Variants in ST6GAL1 observed in about 807,000 individuals in gnomAD.
ST6GAL1 encodes beta-galactoside alpha-2,6-sialyltransferase 1.
Under a neutral mutation model 38.0 loss-of-function variants are expected in ST6GAL1, and 20 were observed. The observed-to-expected ratio is 0.53, with a 90% confidence interval of 0.37 to 0.77. The LOEUF is 0.77. Ranked by LOEUF, ST6GAL1 falls within the 30% of genes least tolerant of loss-of-function variation. The probability of loss-of-function intolerance (pLI) is 0.00; values close to 1 mark genes in which losing one functional copy is unlikely to be tolerated. For missense variants in ST6GAL1, 432 were observed against 496.4 expected, an observed-to-expected ratio of 0.87 and a Z score of 1.23; for synonymous variants, 196 against 188.2, an observed-to-expected ratio of 1.04 and a Z score of -0.34.
At chr3:187,022,822 G>A (rs984326501) in intron 2 of ST6GAL1, among the ~76,000 whole-genome samples, 1 of 152,164 alleles carries the variant, frequency 6.6e-6, no homozygotes, top group African/African-American at 2.4e-5. Context: ...ACCAGAGTCA[G>A]GTTGGAGAGT....
At chr3:186,944,369 T>C (rs1373995241) in intron 1 of ST6GAL1, among the ~76,000 whole-genome samples, 1 of 152,168 alleles carries the variant, frequency 6.6e-6, no homozygotes, top group African/African-American at 2.4e-5. Flanking sequence ...GCATAACATA[T>C]GAGCAAAATT....
intron 2 of ST6GAL1, among the ~76,000 whole-genome samples, chr3:187,011,538 T>C (rs1716956829): frequency 6.6e-6 from 1 of 152,202 alleles, no homozygotes; most frequent in South Asian, 2.1e-4. Context: ...TAGCTTTTGT[T>C]GTCCTTGGGA....
At chr3:186,947,798 C>T (rs538712210) in intron 1 of ST6GAL1, among the ~76,000 whole-genome samples, 2 of 152,262 alleles carry the variant, frequency 1.3e-5, no homozygotes, top group East Asian at 3.9e-4. Flanking sequence ...AGATCATAGA[C>T]GTTAAGGATG....
rs769842676 is a variant in ST6GAL1 at position 187,043,019 on chromosome 3, A to G, written c.316A>G (p.Ile106Val). The G allele has an allele frequency of 6.2e-6, 10 of 1,614,180 alleles. No individual in the cohort carries two copies. Among genetic ancestry groups the G allele is most frequent in the Non-Finnish European group, 8.5e-6 (10 of 1,180,028 alleles). ...WNKDSSSKNL[I>V]PRLQKIWKNY... ...CAAGGACAGCTCTTCCAAAAACCTT[A>G]TCCCTAGGCTGCAAAAGATCTGGAA... Residue 106 changes from isoleucine to valine, a missense_variant, in exon 4 of 8, where the codon ATC becomes GTC. Physicochemically the swap from Ile to Val is conservative, Grantham distance 29 (BLOSUM62 3). Transcript: ENST00000169298.
At chr3:187,071,490 C>G (rs1344068700) in intron 5 of ST6GAL1, among the ~76,000 whole-genome samples, 1 of 151,660 alleles carries the variant, frequency 6.6e-6, no homozygotes, top group Non-Finnish European at 1.5e-5. Flanking sequence ...TGGCTCATGC[C>G]TGTAATCCCA....
At chr3:186,945,218 G>A (rs1714314125) in intron 1 of ST6GAL1, among the ~76,000 whole-genome samples, 1 of 151,974 alleles carries the variant, frequency 6.6e-6, no homozygotes, top group African/African-American at 2.4e-5. Flanking sequence ...TGATGTGGGA[G>A]GATCCCTTGC....
At chr3:187,009,514 C>A (rs1261269482) in intron 2 of ST6GAL1, among the ~76,000 whole-genome samples, 2 of 152,088 alleles carry the variant, frequency 1.3e-5, no homozygotes, top group Non-Finnish European at 2.9e-5. Context: ...TGCCTGTAGT[C>A]CTAGCTACTT....
intron 1 of ST6GAL1, among the ~76,000 whole-genome samples, chr3:186,947,644 A>G (rs1329676683): frequency 6.6e-6 from 1 of 152,208 alleles, no homozygotes; most frequent in East Asian, 1.9e-4. Context: ...GGTAAATATA[A>G]GAGCCTACAT....
chr3:187,067,645 GCTGTTTTTCCATT>G (rs1231889618), intron 5 of ST6GAL1, among the ~76,000 whole-genome samples: 9 of 152,024 alleles, frequency 5.9e-5, no homozygotes, highest in Non-Finnish European at 1.2e-4. Context: ...CAAGTGAATG[GCTGTTTTTCCATT>G]GGATACAGGA....
At chr3:187,047,890 A>G (rs1473035726) in intron 4 of ST6GAL1, among the ~76,000 whole-genome samples, 1 of 151,964 alleles carries the variant, frequency 6.6e-6, no homozygotes, top group Non-Finnish European at 1.5e-5. Context: ...GGGTAATTAG[A>G]ATATCCATCT....
intron 1 of ST6GAL1, among the ~76,000 whole-genome samples, chr3:186,962,491 G>A (rs1022570031): frequency 1.3e-5 from 2 of 152,176 alleles, no homozygotes; most frequent in Admixed American, 6.5e-5. Flanking sequence ...GGTTACACCA[G>A]GTGAACGAGG....
intron 5 of ST6GAL1, among the ~76,000 whole-genome samples, chr3:187,062,805 T>C (rs529790749): frequency 1.3e-5 from 2 of 150,078 alleles, no homozygotes; most frequent in South Asian, 4.1e-4. Context: ...TAGTCAATGT[T>C]ATGTTATATG....
At chr3:186,998,158 T>C (rs894191743) in intron 2 of ST6GAL1, among the ~76,000 whole-genome samples, 4 of 152,154 alleles carry the variant, frequency 2.6e-5, no homozygotes, top group Non-Finnish European at 5.9e-5. Context: ...AACATAGAAC[T>C]ACACAGGGGT....
At chr3:187,061,782 G>T (rs1415456635) in intron 5 of ST6GAL1, among the ~76,000 whole-genome samples, 1 of 151,970 alleles carries the variant, frequency 6.6e-6, no homozygotes, top group Non-Finnish European at 1.5e-5. Context: ...ACAACATAGG[G>T]CAAAAACTTT....
At chr3:186,999,041 G>C (rs930426611) in intron 2 of ST6GAL1, among the ~76,000 whole-genome samples, 1 of 152,254 alleles carries the variant, frequency 6.6e-6, no homozygotes, top group Non-Finnish European at 1.5e-5. Context: ...ACTGCCAGCC[G>C]ACCAGGAAGG....
intron 5 of ST6GAL1, among the ~76,000 whole-genome samples, chr3:187,067,030 C>G (rs1719171286): frequency 6.6e-6 from 1 of 150,876 alleles, no homozygotes; most frequent in Non-Finnish European, 1.5e-5. Flanking sequence ...GGAACCCATG[C>G]TTCCAATTCC....
chr3:187,029,748 A>AAT (rs1717674481), intron 2 of ST6GAL1, among the ~76,000 whole-genome samples: 15 of 152,350 alleles, frequency 9.8e-5, no homozygotes, highest in Middle Eastern at 3.4e-3. Flanking sequence ...GTTGGATTTA[A>AAT]CCAGGATTGA....
rs78450605 is a variant in ST6GAL1, at chr3:186,989,891, C to T, written c.-183+25965C>T. Among the ~76,000 whole-genome samples the T allele has an allele frequency of 7.8e-3, 1,182 of 152,276 alleles. 15 individuals are homozygous for T. The highest frequency in any genetic ancestry group is 0.051 in the East Asian group (266 of 5,178). On this transcript the variant is annotated intron_variant, in intron 2 of 7. Coordinates refer to ENST00000169298, the MANE Select transcript of ST6GAL1 (RefSeq NM_173216.2). ...TTCCAGCACTGCTCCAGCAAGGTCCCGGTCAACACTCTTACTTCACAGGAA... is the reference window on the plus strand; with the variant it reads ...TTCCAGCACTGCTCCAGCAAGGTCCTGGTCAACACTCTTACTTCACAGGAA...
At chr3:187,012,567 T>C (rs1716991559) in intron 2 of ST6GAL1, among the ~76,000 whole-genome samples, 1 of 152,056 alleles carries the variant, frequency 6.6e-6, no homozygotes, top group Non-Finnish European at 1.5e-5. Context: ...CTTTTTAAGG[T>C]TATTTGAACA....
Sources: allele counts gnomAD v4.1 joint callset (sites outside exome capture counted in the v4.1 genomes callset), GRCh38; gene constraint gnomAD v4.1.1; transcripts MANE v1.5; gene names NCBI Gene and HGNC (gene_info 2026-07-23, HGNC 2026-07-21).